The following PCCA variants were observed in gnomAD, a reference collection of about 807,000 sequenced individuals.
PCCA encodes the protein propionyl-CoA carboxylase subunit alpha.
In PCCA, 74 loss-of-function variants were observed where a neutral mutation model predicts 101.3. That is an observed-to-expected ratio of 0.73 (90% CI 0.61 to 0.89). The LOEUF is 0.89. Among genes scored for constraint, PCCA ranks in the 40% least tolerant of loss-of-function variants. The pLI is 0.00. For synonymous variants in PCCA, 294 were observed against 313.6 expected, an observed-to-expected ratio of 0.94 and a Z score of 0.66; for missense variants, 891 against 907.0, an observed-to-expected ratio of 0.98 and a Z score of 0.23.
chr13:100,234,365 G>A (rs561168152), intron 7 of PCCA, among the ~76,000 whole-genome samples: 1 of 152,122 alleles, frequency 6.6e-6, no homozygotes, highest in South Asian at 2.1e-4. Context: ...GTGTAATAAA[G>A]CAGTAAACCT....
intron 21 of PCCA, chr13:100,480,859 A>G (rs1346607798): frequency 1.3e-5 from 2 of 152,168 alleles, no homozygotes; most frequent in Non-Finnish European, 2.9e-5. Flanking sequence ...GAACTTGAAT[A>G]TGCGGCTTGC....
chr13:100,441,473 A>G lies in PCCA; in HGVS notation c.1846-7779A>G, dbSNP rs144746175. Among the ~76,000 whole-genome samples, 1,353 of 152,296 alleles carry G rather than the reference A, an allele frequency of 8.9e-3. 15 individuals are homozygous for G. The highest frequency in any genetic ancestry group is 0.031 in the African/African-American group (1,271 of 41,556). On this transcript the variant is annotated intron_variant, in intron 20 of 23. Coordinates refer to ENST00000376285, the MANE Select transcript of PCCA (RefSeq NM_000282.4). ...GAACATTTGATTTATTGTTTTGCAA[A>G]TGTTTTTGCCTTTGTGTGAATAACT...
intron 21 of PCCA, among the ~76,000 whole-genome samples, chr13:100,450,305 A>AT (rs2081132903): frequency 6.6e-6 from 1 of 152,022 alleles, no homozygotes; most frequent in African/African-American, 2.4e-5. Flanking sequence ...GAGGCAGGAG[A>AT]ATCGCCTGAA....
intron 1 of PCCA, among the ~76,000 whole-genome samples, chr13:100,091,756 T>A (rs118153665): frequency 6.6e-6 from 1 of 152,330 alleles, no homozygotes; most frequent in East Asian, 1.9e-4. Context: ...TATGTAGAGT[T>A]CACCTTTTAG....
intron 20 of PCCA, among the ~76,000 whole-genome samples, chr13:100,446,951 C>A (rs2080874886): frequency 6.6e-6 from 1 of 152,154 alleles, no homozygotes; most frequent in Non-Finnish European, 1.5e-5. Flanking sequence ...TGGATATATA[C>A]CACAATTTAC....
intron 7 of PCCA, among the ~76,000 whole-genome samples, chr13:100,212,808 G>T (rs2059295956): frequency 6.6e-6 from 1 of 151,520 alleles, no homozygotes; most frequent in Admixed American, 6.6e-5. Flanking sequence ...TCGAATACTA[G>T]ATCTTACCCA....
At chr13:100,447,298 C>T (rs140207248) in intron 20 of PCCA, among the ~76,000 whole-genome samples, 2,937 of 152,024 alleles carry the variant, frequency 0.019, 93 homozygotes, top group African/African-American at 0.067. Flanking sequence ...GCCGGAGAAT[C>T]GCTTGAACCC....
intron 21 of PCCA, among the ~76,000 whole-genome samples, chr13:100,460,800 G>A (rs889538965): frequency 2.6e-5 from 4 of 152,042 alleles, no homozygotes; most frequent in East Asian, 1.9e-4. Context: ...GACAACCATC[G>A]AAAACAATTT....
At chr13:100,293,981 T>C (rs1005817998) in intron 12 of PCCA, among the ~76,000 whole-genome samples, 1 of 152,226 alleles carries the variant, frequency 6.6e-6, no homozygotes, top group Non-Finnish European at 1.5e-5. Flanking sequence ...ATTAGTTTGC[T>C]AGGGCTGCCA....
intron 12 of PCCA, among the ~76,000 whole-genome samples, chr13:100,290,202 T>A (rs1377533046): frequency 3.9e-5 from 6 of 152,096 alleles, no homozygotes; most frequent in Non-Finnish European, 5.9e-5. Flanking sequence ...CAATTTTTTT[T>A]ATTTCTCTCT....
chr13:100,117,431 C>T (rs867722613), intron 4 of PCCA, among the ~76,000 whole-genome samples: 8 of 105,436 alleles, frequency 7.6e-5, no homozygotes, highest in African/African-American at 2.0e-4. Flanking sequence ...TGTGTGTGTG[C>T]ATTTTTTTTT....
intron 19 of PCCA, among the ~76,000 whole-genome samples, chr13:100,422,075 TTTC>T (rs1567109126): frequency 8.7e-6 from 1 of 115,060 alleles, no homozygotes; most frequent in African/African-American, 4.1e-5. Context: ...TTTTCTTTTC[TTTC>T]TTTCTTTCTT....
At chr13:100,271,580 T>G (rs932656322) in intron 11 of PCCA, among the ~76,000 whole-genome samples, 1 of 152,156 alleles carries the variant, frequency 6.6e-6, no homozygotes, top group Non-Finnish European at 1.5e-5. Flanking sequence ...GCATTACAGA[T>G]TAAAAGAGTC....
intron 16 of PCCA, among the ~76,000 whole-genome samples, chr13:100,318,778 G>A (rs879481878): frequency 5.1e-4 from 77 of 152,188 alleles, no homozygotes; most frequent in Non-Finnish European, 7.1e-4. Context: ...TGTGAATAGT[G>A]CTGCAATAAA....
chr13:100,314,057 G>C (rs2067140534), intron 16 of PCCA, among the ~76,000 whole-genome samples: 1 of 151,996 alleles, frequency 6.6e-6, no homozygotes. Context: ...AGAGTCCACG[G>C]TAGTTGATTT....
chr13:100,332,189 C>T (rs1021066254), intron 17 of PCCA, among the ~76,000 whole-genome samples: 4 of 152,088 alleles, frequency 2.6e-5, no homozygotes, highest in South Asian at 2.1e-4. Flanking sequence ...CTGCCCGCCT[C>T]GGCCTCCCAA....
rs2152894046 is a variant in PCCA at position 100,425,717 on chromosome 13, C to T, written c.1831C>T (p.Gln611Ter). Residue 611 changes from glutamine (Q) to a stop codon, truncating the protein, a stop_gained, in exon 20 of 24, where the codon CAG becomes TAG. Coordinates refer to ENST00000376285, the MANE Select transcript of PCCA (RefSeq NM_000282.4). LOFTEE classifies it high-confidence loss of function. Reference protein sequence around the residue: ...PLLSVSVDGTQRTVQCLSREA... With the variant: ...PLLSVSVDGT Reference sequence around the variant, plus strand: ...ATTGTCTGTCAGCGTTGATGGCACTCAGAGGACTGTCCAGGTGAGTGTTGT... The same window carrying T: ...ATTGTCTGTCAGCGTTGATGGCACTTAGAGGACTGTCCAGGTGAGTGTTGT... The T allele has an allele frequency of 6.2e-7, 1 of 1,611,922 alleles. No individual in the cohort carries two copies. The highest frequency in any genetic ancestry group is 8.5e-7 in the Non-Finnish European group (1 of 1,177,962).
intron 20 of PCCA, among the ~76,000 whole-genome samples, chr13:100,433,514 T>A (rs561291757): frequency 5.3e-4 from 80 of 152,098 alleles, no homozygotes; most frequent in African/African-American, 1.8e-3. Context: ...TTTTTTTTTT[T>A]AAACCCTTTA....
intron 2 of PCCA, among the ~76,000 whole-genome samples, chr13:100,103,174 A>G (rs554965624): frequency 2.0e-5 from 3 of 152,120 alleles, no homozygotes; most frequent in Non-Finnish European, 4.4e-5. Flanking sequence ...TTTTGTATTT[A>G]TATCTTTAGC....
Sources: gnomAD v4.1 joint callset for allele counts (sites outside exome capture counted in the v4.1 genomes callset) on GRCh38, gnomAD v4.1.1 for gene constraint, MANE v1.5 for transcripts, NCBI Gene and HGNC (gene_info 2026-07-23, HGNC 2026-07-21) for gene names.